Variants in TRMO observed in about 807,000 individuals in gnomAD.
The protein encoded by TRMO is tRNA methyltransferase O.
A neutral mutation model predicts 37.2 loss-of-function variants in TRMO; 30 were observed. The observed-to-expected ratio is 0.81, with a 90% confidence interval of 0.60 to 1.09. The LOEUF is 1.09. Among genes scored for constraint, TRMO ranks in the 50% least tolerant of loss-of-function variants. TRMO has a pLI of 0.00. For synonymous variants in TRMO, 239 were observed against 199.4 expected, an observed-to-expected ratio of 1.20 and a Z score of -1.67; for missense variants, 552 against 549.5, an observed-to-expected ratio of 1.00 and a Z score of -0.05.
In TRMO at chr9:97,913,440, C is replaced by A; in HGVS notation, c.370G>T (p.Ala124Ser). The change falls in exon 3 of 5, where the codon GCA becomes TCA. Residue 124 changes from alanine (A) to serine (S), a missense_variant. Coordinates refer to ENST00000375119, the MANE Select transcript of TRMO (RefSeq NM_016481.5). ...AGCTTGGCCAGGGTCAGTCCTATTG[C>A]ATTGGGACGATGAGGGCTCCTTGTG... is the stretch of plus-strand genomic sequence containing the variant. ...FSTRSPHRPN[A>S]IGLTLAKLEK... is the part of the protein sequence containing the mutation. 1 of 1,613,904 alleles carries A rather than the reference C, an allele frequency of 6.2e-7. No individual in the cohort carries two copies. The highest frequency in any genetic ancestry group is 8.5e-7 in the Non-Finnish European group (1 of 1,179,902).
intron 4 of TRMO, 81 bp downstream of exon 4, chr9:97,909,879 C>A (rs554708441): frequency 9.5e-7 from 1 of 1,048,680 alleles, no homozygotes; most frequent in Non-Finnish European, 1.4e-6. Context: ...ACTCCACATA[C>A]CTGCCTTCAC....
At chr9:97,904,208 T>C (rs979277828), downstream of TRMO, among the ~76,000 whole-genome samples, 3 of 152,196 alleles carry the variant, frequency 2.0e-5, no homozygotes, top group Non-Finnish European at 4.4e-5. Context: ...GTATTAAATA[T>C]ATATACATAT....
intron 4 of TRMO, among the ~76,000 whole-genome samples, chr9:97,905,751 T>C (rs1304957230): frequency 1.3e-5 from 2 of 152,202 alleles, no homozygotes; most frequent in East Asian, 1.9e-4. Context: ...AGTGGATCTT[T>C]ATCCCTCTTG....
chr9:97,921,425 T>A (rs1450630684), intron 1 of TRMO, among the ~76,000 whole-genome samples: 1 of 146,288 alleles, frequency 6.8e-6, no homozygotes, highest in Admixed American at 6.8e-5. Flanking sequence ...AAGTGTTAAT[T>A]TTTTTTTTTT....
intron 4 of TRMO, among the ~76,000 whole-genome samples, chr9:97,908,068 C>A (rs1010293547): frequency 1.3e-5 from 2 of 152,132 alleles, no homozygotes; most frequent in East Asian, 1.9e-4. Flanking sequence ...CCCCTGACCC[C>A]CAAGAGTTCA....
At chr9:97,921,880 T>C (rs1017342302) in intron 1 of TRMO, among the ~76,000 whole-genome samples, 5 of 152,224 alleles carry the variant, frequency 3.3e-5, no homozygotes, top group African/African-American at 1.2e-4. Flanking sequence ...TGGCTTTCTC[T>C]GGCAGGTTAT....
downstream of TRMO, among the ~76,000 whole-genome samples, chr9:97,901,623 A>G (rs1038513605): frequency 7.9e-5 from 12 of 152,142 alleles, no homozygotes; most frequent in African/African-American, 2.7e-4. Context: ...CATAAAATCA[A>G]TGACAGTTTT....
chr9:97,921,760 A>AT (rs1055154113), intron 1 of TRMO, among the ~76,000 whole-genome samples: 22 of 152,012 alleles, frequency 1.4e-4, no homozygotes, highest in African/African-American at 4.8e-5. Flanking sequence ...CCCTGTTAAG[A>AT]TTTTTTTTTA....
intron 4 of TRMO, among the ~76,000 whole-genome samples, chr9:97,909,323 T>C (rs1170922620): frequency 6.6e-6 from 1 of 152,210 alleles, no homozygotes; most frequent in East Asian, 1.9e-4. Context: ...CCTAGGCTAC[T>C]GCTTGGGATC....
chr9:97,910,368 T>G lies in TRMO; in HGVS notation c.658A>C (p.Lys220Gln), dbSNP rs1207418803. Reference protein sequence around the residue: ...QPHHSTKRKPKCPEDRTSEEN... With the variant: ...QPHHSTKRKPQCPEDRTSEEN... ...TCTGAAGTTCTGTCTTCAGGACATT[T>G]AGGTTTCCTCTTAGTGCTATGGTGG... The change falls in exon 4 of 5, where the codon AAA becomes CAA. Residue 220 changes from lysine (K) to glutamine (Q), a missense_variant. Physicochemically the swap from Lys to Gln is moderately conservative, Grantham distance 53. Transcript: ENST00000375119. The G allele has an allele frequency of 6.2e-7, 1 of 1,614,218 alleles. No individual in the cohort carries two copies. The highest frequency in any genetic ancestry group is 8.5e-7 in the Non-Finnish European group (1 of 1,180,040).
chr9:97,899,464 A>C, the TRMO span, among the ~76,000 whole-genome samples: 34 of 143,516 alleles, frequency 2.4e-4, no homozygotes, highest in African/African-American at 8.9e-4. Flanking sequence ...TTTGAGACAG[A>C]ATCTGGCTCT....
intron 4 of TRMO, among the ~76,000 whole-genome samples, chr9:97,906,946 A>C (rs995987260): frequency 1.3e-5 from 2 of 152,232 alleles, no homozygotes; most frequent in African/African-American, 4.8e-5. Context: ...TGGTAAGCAT[A>C]AAGTGTCTAG....
intron 1 of TRMO, among the ~76,000 whole-genome samples, chr9:97,916,863 G>A (rs1274518754): frequency 1.4e-5 from 2 of 147,796 alleles, no homozygotes; most frequent in African/African-American, 4.9e-5. Flanking sequence ...CCACCACCAC[G>A]CTCAACTTTT....
downstream of TRMO, among the ~76,000 whole-genome samples, chr9:97,902,470 T>G (rs1825695850): frequency 6.6e-6 from 1 of 152,082 alleles, no homozygotes; most frequent in African/African-American, 2.4e-5. Context: ...CCCAGCTAAT[T>G]TTTGTATTTT....
At position 97,910,241 on chromosome 9, in the gene TRMO, T is replaced by C. The variant is rs146891219; in HGVS notation, c.785A>G (p.Gln262Arg). ...VDFGLESRRD[Q>R]SSSVAEEQIG... ...TTGTTCTTCTGCCACGCTGGAACTC[T>C]GATCACGTCTTGATTCCAAACCAAA... The change falls in exon 4 of 5, where the codon CAG becomes CGG. Residue 262 changes from glutamine to arginine, a missense_variant. By Grantham distance (43) the Gln-to-Arg change is conservative. Coordinates refer to ENST00000375119, the MANE Select transcript of TRMO (RefSeq NM_016481.5). The C allele has an allele frequency of 2.5e-6, 4 of 1,614,262 alleles. No individual in the cohort carries two copies. In the East Asian group the frequency reaches 8.9e-5, roughly 36 times the overall value.
At chr9:97,902,294 TTTA>T (rs1831187155), downstream of TRMO, among the ~76,000 whole-genome samples, 1 of 152,202 alleles carries the variant, frequency 6.6e-6, no homozygotes. Context: ...TAACATCCTT[TTTA>T]TTATTTTTGT....
intron 3 of TRMO, chr9:97,911,197 G>A (rs1349654522): frequency 1.4e-5 from 3 of 213,956 alleles, no homozygotes; most frequent in African/African-American, 7.1e-5. Context: ...CTAACCAACA[G>A]AATATGGCAA....
At chr9:97,917,902 A>C (rs1826447394) in intron 1 of TRMO, among the ~76,000 whole-genome samples, 1 of 140,916 alleles carries the variant, frequency 7.1e-6, no homozygotes, top group African/African-American at 2.7e-5. Flanking sequence ...GGCTGGTCTT[A>C]AACTCCTGAC....
At chr9:97,907,498 A>G (rs999782611) in intron 4 of TRMO, among the ~76,000 whole-genome samples, 1 of 152,170 alleles carries the variant, frequency 6.6e-6, no homozygotes, top group Non-Finnish European at 1.5e-5. Flanking sequence ...AAGCAGGGGA[A>G]AATCTAGTAT....
Sources: gnomAD v4.1 joint callset for allele counts (sites outside exome capture counted in the v4.1 genomes callset) on GRCh38, gnomAD v4.1.1 for gene constraint, MANE v1.5 for transcripts, NCBI Gene and HGNC (gene_info 2026-07-23, HGNC 2026-07-21) for gene names.